Variants in KPNA1 observed in about 807,000 individuals in gnomAD.
The protein encoded by KPNA1 is karyopherin subunit alpha 1, also known as importin subunit alpha-5.
KPNA1 carries 10 observed loss-of-function variants against 70.5 expected under a neutral mutation model. That is an observed-to-expected ratio of 0.14 (90% CI 0.09 to 0.24). The LOEUF is 0.24. Ranked by LOEUF, KPNA1 falls within the 10% of genes least tolerant of loss-of-function variation. KPNA1 has a pLI of 1.00. For missense variants in KPNA1, 397 were observed against 637.9 expected, an observed-to-expected ratio of 0.62 and a Z score of 4.07; for synonymous variants, 192 against 221.9, an observed-to-expected ratio of 0.87 and a Z score of 1.20.
rs2075786242 is a variant in KPNA1 at position 122,423,786 on chromosome 3, G to A, written c.*3199C>T. ...ATCTGGAATAATTCAGATTTTTTATGAGATTAATTGCCAATCTTTTTATCT... is the reference window on the plus strand; with the variant it reads ...ATCTGGAATAATTCAGATTTTTTATAAGATTAATTGCCAATCTTTTTATCT... On this transcript the variant is annotated 3_prime_UTR_variant, in exon 14 of 14. Transcript: ENST00000344337. 1 of 152,566 alleles carries A rather than the reference G, an allele frequency of 6.6e-6. No individual in the cohort carries two copies. Among genetic ancestry groups the A allele is most frequent in the Non-Finnish European group, 1.5e-5 (1 of 68,026 alleles). The allele number at this position is 152,566 out of a possible 1,614,324, so 9.5% of individuals were successfully genotyped here.
chr3:122,459,748 A>C, intron 5 of KPNA1: 1 of 985,386 alleles, frequency 1.0e-6, no homozygotes, highest in Non-Finnish European at 1.2e-6. Context: ...GAGAAGAAAA[A>C]CTGATGTGAC....
intron 5 of KPNA1, among the ~76,000 whole-genome samples, chr3:122,458,554 T>C (rs147353536): frequency 3.3e-5 from 5 of 152,328 alleles, no homozygotes; most frequent in Non-Finnish European, 5.9e-5. Context: ...ACAAGATTTA[T>C]TAGTGAGCTG....
Position 122,452,060 on chromosome 3 carries a change from A to G in KPNA1, c.569T>C (p.Val190Ala), listed in dbSNP as rs1169648359. 2 of 1,604,898 alleles carry G rather than the reference A, an allele frequency of 1.2e-6. No homozygotes were observed. Among genetic ancestry groups the G allele is most frequent in the Non-Finnish European group, 1.7e-6 (2 of 1,172,324 alleles). The change falls in exon 7 of 14, where the codon GTC becomes GCC. Residue 190 changes from valine to alanine, a missense_variant. Coordinates refer to ENST00000344337, the MANE Select transcript of KPNA1 (RefSeq NM_002264.4). ...SEFEDVQEQA[V>A]WALGNIAGDS... is the part of the protein sequence containing the mutation. ...TCCAGCAATGTTGCCAAGAGCCCAG[A>G]CTGCCTGTGAAAGAATCATTCATTA... is the stretch of plus-strand genomic sequence containing the variant.
intron 6 of KPNA1, 122 bp from the exon 7 acceptor site, chr3:122,452,186 GGGGA>G: frequency 1.3e-6 from 1 of 747,840 alleles, no homozygotes; most frequent in South Asian, 1.5e-5. Flanking sequence ...TGTAGGATTG[GGGGA>G]GGAAGATAAA....
intron 11 of KPNA1, 124 bp downstream of exon 11, chr3:122,437,046 C>T: frequency 1.1e-6 from 1 of 914,902 alleles, no homozygotes; most frequent in Non-Finnish European, 1.7e-6. Context: ...TCCCAGAGTG[C>T]TGGGATTACA....
At chr3:122,470,222 A>G (rs1043181205) in intron 2 of KPNA1, among the ~76,000 whole-genome samples, 3 of 152,202 alleles carry the variant, frequency 2.0e-5, no homozygotes, top group Non-Finnish European at 4.4e-5. Flanking sequence ...TGTATAAGCT[A>G]AATAAGTAGG....
At chr3:122,514,684 G>A (rs1056002265) in intron 1 of KPNA1, 73 bp downstream of exon 1, 9 of 152,362 alleles carry the variant, frequency 5.9e-5, no homozygotes, top group Non-Finnish European at 1.2e-4. Flanking sequence ...GGCCTCTCCT[G>A]AGTCCCTCCG....
At chr3:122,470,651 GTA>G (rs1560039632) in intron 2 of KPNA1, among the ~76,000 whole-genome samples, 1 of 151,986 alleles carries the variant, frequency 6.6e-6, no homozygotes, top group Non-Finnish European at 1.5e-5. Context: ...CTGTTAAAAG[GTA>G]TAGTGTTATT....
chr3:122,493,261 A>G (rs780813278), intron 2 of KPNA1, among the ~76,000 whole-genome samples: 1 of 152,156 alleles, frequency 6.6e-6, no homozygotes, highest in Non-Finnish European at 1.5e-5. Context: ...AATCTACCTT[A>G]TACAATGAGA....
At chr3:122,434,166 A>G (rs1294186235) in intron 11 of KPNA1, among the ~76,000 whole-genome samples, 3 of 152,104 alleles carry the variant, frequency 2.0e-5, no homozygotes, top group Non-Finnish European at 4.4e-5. Flanking sequence ...TGAACTCCTG[A>G]CCTCAGGTGA....
At chr3:122,461,143 A>C in intron 5 of KPNA1, 81 bp downstream of exon 5, 3 of 835,852 alleles carry the variant, frequency 3.6e-6, no homozygotes, top group Non-Finnish European at 1.9e-6. Flanking sequence ...TACAGATAAA[A>C]ATTAGTAACA....
rs1380902025 is a variant in KPNA1 at position 122,463,993 on chromosome 3, G to C, written c.286C>G (p.Pro96Ala). ...DMIEMIFSKS[P>A]EQQLSATQKF... Reference sequence around the variant, plus strand: ...TGTGTTGCTGAAAGCTGTTGCTCTGGGCTTTTGGAAAATATCATTTCAATC... The same window carrying C: ...TGTGTTGCTGAAAGCTGTTGCTCTGCGCTTTTGGAAAATATCATTTCAATC... The change falls in exon 4 of 14, where the codon CCA (proline) becomes GCA (alanine). Residue 96 changes from proline to alanine, a missense_variant. Coordinates refer to ENST00000344337, the MANE Select transcript of KPNA1 (RefSeq NM_002264.4). The C allele has an allele frequency of 7.5e-6, 12 of 1,606,972 alleles. No individual in the cohort carries two copies. Among genetic ancestry groups the C allele is most frequent in the Admixed American group, 1.7e-5 (1 of 59,658 alleles).
intron 2 of KPNA1, among the ~76,000 whole-genome samples, chr3:122,476,768 T>C (rs1276456507): frequency 6.8e-6 from 1 of 147,468 alleles, no homozygotes; most frequent in Non-Finnish European, 1.5e-5. Flanking sequence ...AGATAACATA[T>C]TGGCGAGGAT....
chr3:122,457,011 T>A (rs780366416), intron 5 of KPNA1, among the ~76,000 whole-genome samples: 93 of 152,356 alleles, frequency 6.1e-4, no homozygotes, highest in African/African-American at 2.1e-3. Context: ...TATGTATGTA[T>A]GTTTATGCAG....
intron 12 of KPNA1, among the ~76,000 whole-genome samples, chr3:122,432,288 A>G (rs1224009375): frequency 6.6e-6 from 1 of 152,222 alleles, no homozygotes; most frequent in Non-Finnish European, 1.5e-5. Flanking sequence ...GAAAAAACCT[A>G]CAAGACAAAT....
chr3:122,511,315 A>G (rs2107513796), intron 1 of KPNA1, among the ~76,000 whole-genome samples: 2 of 152,248 alleles, frequency 1.3e-5, no homozygotes, highest in African/African-American at 4.8e-5. Flanking sequence ...CGCTGGAAAA[A>G]CAATCATGAT....
intron 12 of KPNA1, 97 bp from the exon 13 acceptor site, chr3:122,427,813 TAAAAAA>T (rs57966074): frequency 3.1e-5 from 18 of 579,684 alleles, no homozygotes; most frequent in Admixed American, 1.2e-4. Flanking sequence ...TGCAGAGACT[TAAAAAA>T]AAAAACAAAA....
intron 9 of KPNA1, 90 bp from the exon 10 acceptor site, chr3:122,442,206 TG>T: frequency 1.0e-6 from 1 of 999,708 alleles, no homozygotes; most frequent in Non-Finnish European, 1.6e-6. Flanking sequence ...AAAAAAATTG[TG>T]ATAGAATTTT....
At chr3:122,454,832 G>A (rs1423568215) in intron 5 of KPNA1, among the ~76,000 whole-genome samples, 2 of 151,962 alleles carry the variant, frequency 1.3e-5, no homozygotes, top group Non-Finnish European at 2.9e-5. Flanking sequence ...TTACAGCACT[G>A]GTAAACAGAA....
Sources: allele counts gnomAD v4.1 joint callset (sites outside exome capture counted in the v4.1 genomes callset), GRCh38; gene constraint gnomAD v4.1.1; transcripts MANE v1.5; gene names NCBI Gene and HGNC (gene_info 2026-07-23, HGNC 2026-07-21).